LRRTM4: variants seen among roughly 807,000 people sequenced by gnomAD.
LRRTM4 encodes leucine-rich repeat transmembrane neuronal protein 4.
A neutral mutation model predicts 47.6 loss-of-function variants in LRRTM4; 25 were observed. That is an observed-to-expected ratio of 0.53 (90% CI 0.38 to 0.73). The LOEUF is 0.73. Ranked by LOEUF, LRRTM4 falls within the 30% of genes least tolerant of loss-of-function variation. LRRTM4 has a pLI of 0.00. For missense variants in LRRTM4, 638 were observed against 713.4 expected, an observed-to-expected ratio of 0.89 and a Z score of 1.20; for synonymous variants, 311 against 269.5, an observed-to-expected ratio of 1.15 and a Z score of -1.51.
chr2:77,111,192 C>T (rs1001770775), intron 3 of LRRTM4, among the ~76,000 whole-genome samples: 2 of 152,018 alleles, frequency 1.3e-5, no homozygotes, highest in East Asian at 3.9e-4. Context: ...TCACTGCAAC[C>T]TCTGCCTCCC....
intron 3 of LRRTM4, among the ~76,000 whole-genome samples, chr2:76,966,776 T>C (rs924247228): frequency 4.0e-5 from 6 of 151,632 alleles, no homozygotes; most frequent in Admixed American, 1.3e-4. Flanking sequence ...TTATACAACA[T>C]TGTACAGTGG....
At chr2:77,505,438 A>G (rs1678730236) in intron 3 of LRRTM4, among the ~76,000 whole-genome samples, 1 of 151,470 alleles carries the variant, frequency 6.6e-6, no homozygotes, top group Non-Finnish European at 1.5e-5. Context: ...ACCACATGCT[A>G]GTATAGGTAC....
At chr2:77,294,672 G>A (rs930952159) in intron 3 of LRRTM4, among the ~76,000 whole-genome samples, 2 of 152,086 alleles carry the variant, frequency 1.3e-5, no homozygotes, top group Admixed American at 6.6e-5. Context: ...ATGGCTCCCT[G>A]CTGCTTAGAT....
intron 3 of LRRTM4, among the ~76,000 whole-genome samples, chr2:77,091,159 G>C (rs1670623354): frequency 2.0e-5 from 3 of 151,832 alleles, no homozygotes; most frequent in South Asian, 4.2e-4. Context: ...TAAATTATCT[G>C]CTTCCCTGAC....
At chr2:77,185,277 C>A (rs967022661) in intron 3 of LRRTM4, among the ~76,000 whole-genome samples, 6 of 152,128 alleles carry the variant, frequency 3.9e-5, no homozygotes, top group African/African-American at 1.4e-4. Flanking sequence ...AGAAAATCTA[C>A]AATTGTCCAG....
At chr2:77,328,763 T>C (rs1002568481) in intron 3 of LRRTM4, among the ~76,000 whole-genome samples, 32 of 152,156 alleles carry the variant, frequency 2.1e-4, no homozygotes, top group African/African-American at 7.5e-4. Flanking sequence ...TTATTCCTAT[T>C]TAGGGATTTC....
At chr2:76,952,114 A>G (rs1318171309) in intron 3 of LRRTM4, among the ~76,000 whole-genome samples, 1 of 151,950 alleles carries the variant, frequency 6.6e-6, no homozygotes, top group Admixed American at 6.6e-5. Context: ...TTTGTAGTAG[A>G]TATTAGCTAT....
At chr2:77,041,788 C>T (rs561842578) in intron 3 of LRRTM4, among the ~76,000 whole-genome samples, 27 of 149,644 alleles carry the variant, frequency 1.8e-4, no homozygotes, top group African/African-American at 5.8e-4. Flanking sequence ...AATATTAGGT[C>T]GGTGCAAAAA....
intron 3 of LRRTM4, among the ~76,000 whole-genome samples, chr2:77,011,920 A>G (rs1677890641): frequency 6.6e-6 from 1 of 152,048 alleles, no homozygotes; most frequent in Non-Finnish European, 1.5e-5. Context: ...CTGCCAAAGG[A>G]AGAGAACTGG....
At chr2:77,468,865 C>G (rs1677082426) in intron 3 of LRRTM4, among the ~76,000 whole-genome samples, 2 of 152,320 alleles carry the variant, frequency 1.3e-5, no homozygotes, top group African/African-American at 2.4e-5. Context: ...AGCAGAAAAG[C>G]TCAACCCTCA....
intron 3 of LRRTM4, among the ~76,000 whole-genome samples, chr2:77,493,293 C>T (rs931176062): frequency 4.0e-5 from 6 of 151,774 alleles, no homozygotes; most frequent in Admixed American, 1.3e-4. Context: ...AAATGTCAAA[C>T]AGGGAAAATG....
At chr2:77,383,116 T>C (rs1381085938) in intron 3 of LRRTM4, among the ~76,000 whole-genome samples, 1 of 152,068 alleles carries the variant, frequency 6.6e-6, no homozygotes, top group Non-Finnish European at 1.5e-5. Context: ...ATTACACCAA[T>C]GTCATGTTTC....
intron 3 of LRRTM4, among the ~76,000 whole-genome samples, chr2:76,959,069 T>C (rs1034656085): frequency 3.3e-5 from 5 of 151,722 alleles, no homozygotes; most frequent in Non-Finnish European, 7.4e-5. Flanking sequence ...TTCTGCATCA[T>C]GAGCATAATC....
At chr2:76,985,414 G>A (rs892262870) in intron 3 of LRRTM4, among the ~76,000 whole-genome samples, 1 of 151,930 alleles carries the variant, frequency 6.6e-6, no homozygotes, top group African/African-American at 2.4e-5. Flanking sequence ...CTTTCCGTTC[G>A]TCTGCTAACA....
At chr2:76,783,706 C>T (rs768374053) in intron 3 of LRRTM4, among the ~76,000 whole-genome samples, 10 of 152,152 alleles carry the variant, frequency 6.6e-5, no homozygotes, top group Non-Finnish European at 1.5e-4. Context: ...ATGAATTTCA[C>T]AATACCATTT....
chr2:77,454,275 A>G, intron 3 of LRRTM4, among the ~76,000 whole-genome samples: 1 of 152,212 alleles, frequency 6.6e-6, no homozygotes, highest in Non-Finnish European at 1.5e-5. Flanking sequence ...TAATTCCTAA[A>G]AGAGGAACAA....
At chr2:77,171,715 A>C (rs1176475352) in intron 3 of LRRTM4, among the ~76,000 whole-genome samples, 1 of 152,046 alleles carries the variant, frequency 6.6e-6, no homozygotes, top group African/African-American at 2.4e-5. Context: ...TATTACCTTT[A>C]AATGAAGATA....
chr2:77,472,440 G>A (rs146083596), intron 3 of LRRTM4, among the ~76,000 whole-genome samples: 1 of 152,046 alleles, frequency 6.6e-6, no homozygotes, highest in Non-Finnish European at 1.5e-5. Context: ...GGGACCAATG[G>A]GATAGGATGT....
intron 3 of LRRTM4, among the ~76,000 whole-genome samples, chr2:76,775,930 C>G (rs76406413): frequency 6.6e-6 from 1 of 150,560 alleles, no homozygotes; most frequent in African/African-American, 2.5e-5. Flanking sequence ...ACAACAGTCC[C>G]CAGAGTGTGA....
Sources: allele counts gnomAD v4.1 joint callset (sites outside exome capture counted in the v4.1 genomes callset), GRCh38; gene constraint gnomAD v4.1.1; transcripts MANE v1.5; gene names NCBI Gene and HGNC (gene_info 2026-07-23, HGNC 2026-07-21).